The following BZW2 variants were observed in gnomAD, a reference collection of about 807,000 sequenced individuals.
The protein encoded by BZW2 is basic leucine zipper and W2 domains 2.
Under a neutral mutation model 53.2 loss-of-function variants are expected in BZW2, and 23 were observed. The ratio of observed to expected loss-of-function variants is 0.43; its 90% CI spans 0.31 to 0.61. BZW2 has a LOEUF of 0.61. BZW2 is among the 20% of genes least tolerant of loss of function. BZW2 has a pLI of 0.09. For missense variants in BZW2, 409 were observed against 503.1 expected, an observed-to-expected ratio of 0.81 and a Z score of 1.79; for synonymous variants, 227 against 186.4, an observed-to-expected ratio of 1.22 and a Z score of -1.77.
chr7:16,649,768 GA>G (rs1426626378), intron 1 of BZW2, among the ~76,000 whole-genome samples: 2 of 152,162 alleles, frequency 1.3e-5, no homozygotes, highest in African/African-American at 4.8e-5. Flanking sequence ...GATAGGAACA[GA>G]ATTATTTCAG....
chr7:16,658,791 C>T (rs2128351723), intron 1 of BZW2, among the ~76,000 whole-genome samples: 1 of 152,070 alleles, frequency 6.6e-6, no homozygotes, highest in African/African-American at 2.4e-5. Flanking sequence ...AGGAGAATCA[C>T]TTGAACCCAG....
At chr7:16,694,313 A>G (rs1783412327) in intron 7 of BZW2, among the ~76,000 whole-genome samples, 1 of 152,176 alleles carries the variant, frequency 6.6e-6, no homozygotes, top group Non-Finnish European at 1.5e-5. Context: ...ACAGAAAAGG[A>G]ACTTATTTCT....
intron 3 of BZW2, 118 bp from the exon 4 acceptor site, chr7:16,681,183 C>G (rs1327809536): frequency 1.3e-6 from 1 of 799,170 alleles, no homozygotes; most frequent in Non-Finnish European, 2.0e-6. Flanking sequence ...TTTTATGTGA[C>G]TCTTAGATTT....
chr7:16,699,261 G>A (rs1783595036), intron 10 of BZW2, among the ~76,000 whole-genome samples: 1 of 152,180 alleles, frequency 6.6e-6, no homozygotes, highest in African/African-American at 2.4e-5. Flanking sequence ...AACCAGACCT[G>A]AGTTGGGTCT....
intron 4 of BZW2, among the ~76,000 whole-genome samples, 159 bp downstream of exon 4, chr7:16,681,563 G>T (rs1782947081): frequency 1.3e-5 from 2 of 152,198 alleles, no homozygotes; most frequent in Non-Finnish European, 2.9e-5. Flanking sequence ...TAGCAGTGTG[G>T]CTCGAGCCTA....
intron 1 of BZW2, among the ~76,000 whole-genome samples, chr7:16,660,110 G>A (rs1782215735): frequency 6.7e-6 from 1 of 149,558 alleles, no homozygotes; most frequent in Admixed American, 6.7e-5. Context: ...CAGATAGTTT[G>A]CTGAGAATGA....
At chr7:16,667,289 A>AC (rs1440291607) in intron 2 of BZW2, among the ~76,000 whole-genome samples, 4 of 151,856 alleles carry the variant, frequency 2.6e-5, no homozygotes, top group African/African-American at 9.7e-5. Context: ...CAAAAAAAAA[A>AC]AAACAAAAAA....
intron 11 of BZW2, 138 bp downstream of exon 11, chr7:16,704,807 C>A: frequency 1.1e-6 from 1 of 911,232 alleles, no homozygotes; most frequent in Non-Finnish European, 1.5e-6. Flanking sequence ...AACATTTTGC[C>A]AACATCTTAG....
At chr7:16,701,060 A>T (rs1783651559) in intron 10 of BZW2, among the ~76,000 whole-genome samples, 1 of 152,166 alleles carries the variant, frequency 6.6e-6, no homozygotes, top group African/African-American at 2.4e-5. Context: ...TTATTGAAAG[A>T]TTTATAAATC....
At chr7:16,668,409 T>C (rs1446820498) in intron 2 of BZW2, among the ~76,000 whole-genome samples, 1 of 152,228 alleles carries the variant, frequency 6.6e-6, no homozygotes, top group Non-Finnish European at 1.5e-5. Context: ...ATTTGCCAGT[T>C]GATCTAGATT....
chr7:16,675,527 G>A (rs775586384), intron 3 of BZW2, among the ~76,000 whole-genome samples: 14 of 152,250 alleles, frequency 9.2e-5, no homozygotes, highest in African/African-American at 2.9e-4. Context: ...GGAACTGCCC[G>A]TAAATTCCTT....
chr7:16,681,473 C>A, intron 4 of BZW2, 69 bp downstream of exon 4: 1 of 1,248,398 alleles, frequency 8.0e-7, no homozygotes, highest in Non-Finnish European at 1.1e-6. Context: ...GCTCTACAGT[C>A]CACCCACTTT....
At chr7:16,705,684 C>CAA (rs1180087983) in intron 11 of BZW2, among the ~76,000 whole-genome samples, 12 of 53,786 alleles carry the variant, frequency 2.2e-4, no homozygotes, top group African/African-American at 6.1e-4. Flanking sequence ...GACTCCATCT[C>CAA]AAAAAAAAAA....
In BZW2 at chr7:16,682,858, A is replaced by G. The variant is rs779678039; in HGVS notation, c.405+13A>G. On this transcript the variant is annotated intron_variant, in intron 5 of 11. Transcript: ENST00000258761. ...TGAAATGAAAAAGGTAAAAATTCAA[A>G]TATAATGCCTATCTGTTTTATAGTA... 5.2e-6 allele frequency: 8 copies of G among 1,531,442 alleles called. No individual in the cohort carries two copies. The highest frequency in any genetic ancestry group is 6.3e-6 in the Non-Finnish European group (7 of 1,115,126). 94.9% of individuals were successfully genotyped at this position (1,531,442 alleles called of 1,614,324 possible). A position where few individuals can be genotyped will look rare whatever the true frequency, so the allele number is the denominator to read the frequency against.
chr7:16,696,300 G>T (rs1175258934), intron 8 of BZW2, among the ~76,000 whole-genome samples: 3 of 152,086 alleles, frequency 2.0e-5, no homozygotes, highest in African/African-American at 7.2e-5. Context: ...TACTCTCAGG[G>T]TTGAGTATAA....
chr7:16,699,677 T>C (rs528282762), intron 10 of BZW2, among the ~76,000 whole-genome samples: 244 of 152,318 alleles, frequency 1.6e-3, no homozygotes, highest in Admixed American at 2.7e-3. Context: ...TATCGTATTA[T>C]TGTAATGAAA....
intron 1 of BZW2, among the ~76,000 whole-genome samples, chr7:16,661,954 T>C (rs996635438): frequency 3.3e-5 from 5 of 152,244 alleles, no homozygotes; most frequent in African/African-American, 9.6e-5. Context: ...GATTTGAAAA[T>C]ACATTGTAGG....
rs770995466 is a variant in BZW2, at chr7:16,698,044, C to G, written c.970-4C>G. 6.8e-6 allele frequency: 11 copies of G among 1,614,010 alleles called. No individual in the cohort carries two copies. Among genetic ancestry groups the G allele is most frequent in the Non-Finnish European group, 9.3e-6 (11 of 1,179,916 alleles). The stretch of plus-strand genomic sequence containing the variant: ...ACGGCTTTTACTCTCCACTTCTGTT[C>G]TAGCAATATGCTCCCCTGCTGGCCG... On this transcript the variant is annotated splice_region_variant and splice_polypyrimidine_tract_variant and intron_variant, in intron 9 of 11. Transcript: ENST00000258761.
At chr7:16,660,271 C>T (rs1331158367) in intron 1 of BZW2, among the ~76,000 whole-genome samples, 4 of 151,712 alleles carry the variant, frequency 2.6e-5, no homozygotes, top group Non-Finnish European at 5.9e-5. Flanking sequence ...AAAAATTAGC[C>T]GGGCCTGGTA....
Sources: gnomAD v4.1 joint callset for allele counts (sites outside exome capture counted in the v4.1 genomes callset) on GRCh38, gnomAD v4.1.1 for gene constraint, MANE v1.5 for transcripts, NCBI Gene and HGNC (gene_info 2026-07-23, HGNC 2026-07-21) for gene names.